Variants in MMP2 observed in about 807,000 individuals in gnomAD.
The protein encoded by MMP2 is matrix metallopeptidase 2.
A neutral mutation model predicts 74.8 loss-of-function variants in MMP2; 39 were observed. The ratio of observed to expected loss-of-function variants is 0.52; its 90% CI spans 0.40 to 0.68. MMP2 has a LOEUF of 0.68. Ranked by LOEUF, MMP2 falls within the 30% of genes least tolerant of loss-of-function variation. The pLI, the probability that MMP2 is intolerant of heterozygous loss-of-function variation, is 0.00. For missense variants in MMP2, 803 were observed against 878.3 expected (o/e 0.91, Z 1.08); for synonymous variants, 367 against 339.8 (o/e 1.08, Z -0.88).
intron 12 of MMP2, among the ~76,000 whole-genome samples, chr16:55,504,814 G>A (rs1049405496): frequency 7.9e-5 from 12 of 151,740 alleles, no homozygotes; most frequent in Admixed American, 5.9e-4. Flanking sequence ...CACCACGCCC[G>A]GCTAATTTTT....
At chr16:55,484,494 T>G (rs949092954) in intron 3 of MMP2, among the ~76,000 whole-genome samples, 12 of 152,226 alleles carry the variant, frequency 7.9e-5, no homozygotes, top group African/African-American at 2.9e-4. Context: ...AATTTTAAAT[T>G]AGTTTCCTGG....
At chr16:55,499,131 T>C (rs1488290441) in intron 11 of MMP2, among the ~76,000 whole-genome samples, 12 of 143,586 alleles carry the variant, frequency 8.4e-5, no homozygotes, top group African/African-American at 3.1e-4. Context: ...ATCATGCCAC[T>C]GCACTCCAGC....
At chr16:55,484,546 C>T (rs1361428329) in intron 3 of MMP2, among the ~76,000 whole-genome samples, 1 of 152,222 alleles carries the variant, frequency 6.6e-6, no homozygotes, top group Non-Finnish European at 1.5e-5. Flanking sequence ...ACACAGGAGG[C>T]TAGTGACTAT....
At chr16:55,487,891 CT>C (rs1185190155) in intron 5 of MMP2, 1 of 152,582 alleles carries the variant, frequency 6.6e-6, no homozygotes, top group Non-Finnish European at 1.5e-5. Flanking sequence ...TCTTTCTCTC[CT>C]TCCTACAGAG....
chr16:55,481,922 A>G lies in MMP2; in HGVS notation c.154-987A>G, dbSNP rs780762382. On this transcript the variant is annotated intron_variant, in intron 1 of 12. Coordinates refer to ENST00000219070, the MANE Select transcript of MMP2 (RefSeq NM_004530.6). ...CTAGCCATTATTCTATTATATTATT[A>G]TTATTGTTATGTCCTCCATTTCCCC... The G allele has an allele frequency of 2.3e-5, 16 of 683,712 alleles. No individual in the cohort carries two copies. In the East Asian group the frequency reaches 3.8e-4, roughly 16 times the overall value. 42.4% of individuals were successfully genotyped at this position (683,712 alleles called of 1,614,324 possible).
chr16:55,485,906 C>T (rs1450369809), intron 5 of MMP2, 129 bp downstream of exon 5: 6 of 936,470 alleles, frequency 6.4e-6, no homozygotes, highest in South Asian at 2.8e-5. Context: ...ATCCCTCCAA[C>T]GTCCTTCACT....
chr16:55,489,728 A>G lies in MMP2; in HGVS notation c.1084A>G (p.Ser362Gly), dbSNP rs1962353590. 6.2e-7 allele frequency: 1 copy of G among 1,614,122 alleles called. No individual in the cohort carries two copies. The highest frequency in any genetic ancestry group is 8.5e-7 in the Non-Finnish European group (1 of 1,180,026). The part of the protein sequence containing the change: ...PFTFLGNKYE[S>G]CTSAGRSDGK... The stretch of plus-strand genomic sequence containing the variant: ...CACTTTCCTGGGCAACAAATATGAG[A>G]GCTGCACCAGCGCCGGCCGCAGTGA... The change falls in exon 7 of 13, where the codon AGC (serine) becomes GGC (glycine). Residue 362 changes from serine to glycine, a missense_variant. By Grantham distance (56) the Ser-to-Gly change is moderately conservative (BLOSUM62 0). Coordinates refer to ENST00000219070, the MANE Select transcript of MMP2 (RefSeq NM_004530.6).
intron 9 of MMP2, 43 bp from the exon 10 acceptor site, chr16:55,496,883 T>A (rs1406339618): frequency 6.2e-7 from 1 of 1,611,082 alleles, no homozygotes. Context: ...AGCTGCAGGG[T>A]GACTGAAGAT....
At chr16:55,482,684 C>A (rs1447457231) in intron 1 of MMP2, among the ~76,000 whole-genome samples, 7 of 152,224 alleles carry the variant, frequency 4.6e-5, no homozygotes, top group African/African-American at 7.2e-5. Flanking sequence ...CCAGCACCAA[C>A]AAGTGGTAGC....
Position 55,505,573 on chromosome 16 carries a change from C to G in MMP2, c.*131C>G. 1.3e-6 allele frequency: 1 copy of G among 759,574 alleles called. No individual in the cohort carries two copies. The highest frequency in any genetic ancestry group is 1.4e-5 in the South Asian group (1 of 69,318). 47.1% of individuals were successfully genotyped at this position (759,574 alleles called of 1,614,324 possible). On this transcript the variant is annotated 3_prime_UTR_variant, in exon 13 of 13. Transcript: ENST00000219070. ...CTACAGCTAATCAGCATTCTCACTC[C>G]TACCTGGTAATTTAAGATTCCAGAG...
chr16:55,489,640 T>C lies in MMP2; in HGVS notation c.1007-11T>C. ...TTTGCTGCGCCTTGACCCGTATCCC[T>C]AACCCCACAGCCATGTCCACTGTTG... On this transcript the variant is annotated splice_polypyrimidine_tract_variant and intron_variant, in intron 6 of 12. Transcript: ENST00000219070. 6.2e-7 allele frequency: 1 copy of C among 1,614,014 alleles called. No individual in the cohort carries two copies. Among genetic ancestry groups the C allele is most frequent in the Non-Finnish European group, 8.5e-7 (1 of 1,180,016 alleles).
rs1165543244 is a variant in MMP2, at chr16:55,484,126, A to T, written c.491A>T (p.Asp164Val). Reference protein sequence around the residue: ...VTPLRFSRIHDGEADIMINFG... With the variant: ...VTPLRFSRIHVGEADIMINFG... ...CCACTGCGGTTTTCTCGAATCCATG[A>T]TGGAGAGGCAGACATCATGATCAAC... Residue 164 changes from aspartate to valine, a missense_variant, in exon 3 of 13, where the codon GAT becomes GTT. Asp to Val is a radical substitution (Grantham distance 152). Coordinates refer to ENST00000219070, the MANE Select transcript of MMP2 (RefSeq NM_004530.6). The T allele has an allele frequency of 2.5e-6, 4 of 1,614,042 alleles. No homozygotes were observed. The African/African-American group carries it at 5.3e-5, about 22-fold the overall frequency.
chr16:55,488,491 G>GC, intron 5 of MMP2, 52 bp from the exon 6 acceptor site: 2 of 1,581,664 alleles, frequency 1.3e-6, no homozygotes, highest in Non-Finnish European at 1.7e-6. Flanking sequence ...CCAGCCCTGT[G>GC]CCCATGGAAG....
chr16:55,492,788 G>C (rs1287733451), intron 8 of MMP2, among the ~76,000 whole-genome samples: 6 of 152,024 alleles, frequency 3.9e-5, no homozygotes, highest in Non-Finnish European at 8.8e-5. Flanking sequence ...ACACACCAGC[G>C]GCCCCCTGAC....
chr16:55,506,425 C>T lies in MMP2; in HGVS notation c.*983C>T, dbSNP rs1254907192. 6.6e-6 allele frequency: 1 copy of T among 152,168 alleles called. No individual in the cohort carries two copies. Among genetic ancestry groups the T allele is most frequent in the Non-Finnish European group, 1.5e-5 (1 of 68,034 alleles). 9.4% of individuals were successfully genotyped at this position (152,168 alleles called of 1,614,324 possible). On this transcript the variant is annotated 3_prime_UTR_variant, in exon 13 of 13. Coordinates refer to ENST00000219070, the MANE Select transcript of MMP2 (RefSeq NM_004530.6). ...GAGAGTAAGCTCTAGTCCCTCTGTC[C>T]TGTAGAAAGAGCCCTGAAGAATCAG...
At chr16:55,481,112 G>T (rs947375110) in intron 1 of MMP2, among the ~76,000 whole-genome samples, 1 of 152,168 alleles carries the variant, frequency 6.6e-6, no homozygotes. Flanking sequence ...TATTAAGAAG[G>T]TAAAGGAATA....
At position 55,505,328 on chromosome 16, in the gene MMP2, C is replaced by T. The variant is rs1350108490; in HGVS notation, c.1880-11C>T. 2 of 1,610,734 alleles carry T rather than the reference C, an allele frequency of 1.2e-6. No homozygotes were observed. The highest frequency in any genetic ancestry group is 1.7e-5 in the Admixed American group (1 of 60,006). On this transcript the variant is annotated splice_polypyrimidine_tract_variant and intron_variant, in intron 12 of 12. Coordinates refer to ENST00000219070, the MANE Select transcript of MMP2 (RefSeq NM_004530.6). ...ATAAGGGGGTCACGGTCTCTTCTTTCTCTATCCCAGGTCACAGCTACTTCT... is the reference window on the plus strand; with the variant it reads ...ATAAGGGGGTCACGGTCTCTTCTTTTTCTATCCCAGGTCACAGCTACTTCT...
intron 7 of MMP2, 69 bp from the exon 8 acceptor site, chr16:55,491,732 G>T (rs192216470): frequency 6.4e-7 from 1 of 1,568,730 alleles, no homozygotes; most frequent in Non-Finnish European, 8.8e-7. Context: ...GCATCACTGG[G>T]TCAGGTCTTG....
At chr16:55,486,086 G>A (rs1403787954) in intron 5 of MMP2, among the ~76,000 whole-genome samples, 1 of 152,046 alleles carries the variant, frequency 6.6e-6, no homozygotes, top group African/African-American at 2.4e-5. Context: ...ATATATATTG[G>A]AGTGAACTTA....
Sources: allele counts gnomAD v4.1 joint callset (sites outside exome capture counted in the v4.1 genomes callset), GRCh38; gene constraint gnomAD v4.1.1; transcripts MANE v1.5; gene names NCBI Gene and HGNC (gene_info 2026-07-23, HGNC 2026-07-21).